DACT1: variants seen among roughly 807,000 people sequenced by gnomAD.
DACT1 encodes the protein dishevelled binding antagonist of beta catenin 1.
In DACT1, 19 loss-of-function variants were observed where a neutral mutation model predicts 35.3. The ratio of observed to expected loss-of-function variants is 0.54; its 90% CI spans 0.38 to 0.79. The LOEUF is 0.79. Ranked by LOEUF, DACT1 falls within the 30% of genes least tolerant of loss-of-function variation. DACT1 has a pLI of 0.00. For synonymous variants in DACT1, 545 were observed against 466.7 expected (o/e 1.17, Z -2.16); for missense variants, 1,143 against 1,057.5 (o/e 1.08, Z -1.12).
At chr14:58,639,358 T>C (rs1332539328) in intron 1 of DACT1, 26 of 732,106 alleles carry the variant, frequency 3.6e-5, no homozygotes, top group African/African-American at 7.7e-5. Flanking sequence ...GCTTAATGTA[T>C]TGATGAACAG....
upstream of DACT1, among the ~76,000 whole-genome samples, chr14:58,635,292 T>C (rs1300089037): frequency 6.6e-6 from 1 of 151,840 alleles, no homozygotes; most frequent in Non-Finnish European, 1.5e-5. Flanking sequence ...GGAAAGAAAA[T>C]CCAGGCAACT....
Position 58,641,489 on chromosome 14 carries a change from C to CA in DACT1, c.479-97dup, listed in dbSNP as rs1299946122. The CA allele has an allele frequency of 6.6e-6, 9 of 1,363,660 alleles. No individual in the cohort carries two copies. In the African/African-American group the frequency reaches 1.0e-4, roughly 16 times the overall value. The allele number at this position is 1,363,660 out of a possible 1,614,324, so 84.5% of individuals were successfully genotyped here. A position where few individuals can be genotyped will look rare whatever the true frequency, so the allele number is the denominator to read the frequency against. On this transcript the variant is annotated intron_variant, in intron 2 of 3. Coordinates refer to ENST00000395153, the MANE Select transcript of DACT1 (RefSeq NM_001079520.2). Reference sequence around the variant, plus strand: ...GAATCAAAATTGGCCAAAAAACAAACAAAAAATCTCCTTTTCCTAAATGAT... The same window carrying CA: ...GAATCAAAATTGGCCAAAAAACAAACAAAAAAATCTCCTTTTCCTAAATGAT...
At chr14:58,641,499 C>T in intron 2 of DACT1, 93 bp from the exon 3 acceptor site, 1 of 1,406,952 alleles carries the variant, frequency 7.1e-7, no homozygotes. Context: ...CAAAAAATCT[C>T]CTTTTCCTAA....
In DACT1 at chr14:58,638,538, A is replaced by G; in HGVS notation, c.336A>G (p.Arg112=). The G allele has an allele frequency of 7.4e-7, 1 of 1,344,450 alleles. No homozygotes were observed. The highest frequency in any genetic ancestry group is 9.6e-7 in the Non-Finnish European group (1 of 1,040,842). 83.3% of individuals were successfully genotyped at this position (1,344,450 alleles called of 1,614,324 possible). The change falls in exon 1 of 4, where the codon AGA becomes AGG. Residue 112 remains arginine, a synonymous_variant. Transcript: ENST00000395153. ...KFLEENILLL[R]KQLNCLRRRD... is the part of the protein sequence containing the mutation. Reference sequence around the variant, plus strand: ...TGGAGGAGAACATCTTGCTGCTAAGAAAGCAATTGGTAGGTCGTGCCCGAA... The same window carrying G: ...TGGAGGAGAACATCTTGCTGCTAAGGAAGCAATTGGTAGGTCGTGCCCGAA...
chr14:58,640,909 G>C, intron 2 of DACT1, 41 bp downstream of exon 2: 1 of 1,611,644 alleles, frequency 6.2e-7, no homozygotes, highest in Non-Finnish European at 8.5e-7. Flanking sequence ...GCACTCTTGA[G>C]TTGTATCTCA....
At position 58,645,860 on chromosome 14, in the gene DACT1, T is replaced by A; in HGVS notation, c.1126T>A (p.Phe376Ile). Residue 376 changes from phenylalanine (F) to isoleucine (I), a missense_variant, in exon 4 of 4, where the codon TTC becomes ATC. Phe to Ile is a conservative substitution (Grantham distance 21, BLOSUM62 0). Transcript: ENST00000395153. ...GATACCTTCTCTGAACAATGGGACA[T>A]TCTCCCCACCGAAGCAGTGGTCGAA... ...GGIPSLNNGT[F>I]SPPKQWSKES... The A allele has an allele frequency of 1.2e-6, 2 of 1,614,186 alleles. No individual in the cohort carries two copies. Among genetic ancestry groups the A allele is most frequent in the South Asian group, 1.1e-5 (1 of 91,090 alleles).
At chr14:58,638,572 A>T (rs1177443371) in intron 1 of DACT1, 25 bp downstream of exon 1, 1 of 1,321,820 alleles carries the variant, frequency 7.6e-7, no homozygotes, top group Non-Finnish European at 9.7e-7. Flanking sequence ...AAGGTGGAGC[A>T]CGGCTGTTCC....
At chr14:58,640,971 C>G in intron 2 of DACT1, 103 bp downstream of exon 2, 1 of 1,323,974 alleles carries the variant, frequency 7.6e-7, no homozygotes, top group Non-Finnish European at 1.1e-6. Context: ...GAGTTTGTTT[C>G]CAGTGCAGAG....
chr14:58,645,199 G>T, intron 3 of DACT1, 170 bp from the exon 4 acceptor site: 7 of 1,402,368 alleles, frequency 5.0e-6, no homozygotes, highest in Non-Finnish European at 5.9e-6. Flanking sequence ...ATTGGCCAAA[G>T]AGTCAAGCTG....
At chr14:58,637,938 G>A (rs1351637600), upstream of DACT1, 12 of 197,534 alleles carry the variant, frequency 6.1e-5, no homozygotes, top group South Asian at 2.1e-3. Context: ...GGGCCGCCGC[G>A]CGTGACGTAG....
rs140999806 is a variant in DACT1 at position 58,640,062 on chromosome 14, C to T, written c.346-674C>T. Reference sequence around the variant, plus strand: ...TGAACCAGATGCTTTTTGAGTTCTCCCGTTTTTCCAGCAATAGGAAGCACT... The same window carrying T: ...TGAACCAGATGCTTTTTGAGTTCTCTCGTTTTTCCAGCAATAGGAAGCACT... On this transcript the variant is annotated intron_variant, in intron 1 of 3. Transcript: ENST00000395153. Among the ~76,000 whole-genome samples the T allele has an allele frequency of 1.4e-4, 21 of 152,260 alleles. 2 individuals carry two copies. In the East Asian group the frequency reaches 3.9e-3, roughly 28 times the overall value.
In DACT1 at chr14:58,646,866, A is replaced by G. The variant is rs754250305; in HGVS notation, c.2132A>G (p.Asn711Ser). The G allele has an allele frequency of 5.0e-6, 8 of 1,614,120 alleles. No homozygotes were observed. The South Asian group carries it at 6.6e-5, about 13-fold the overall frequency. Residue 711 changes from asparagine (N) to serine (S), a missense_variant, in exon 4 of 4, where the codon AAT becomes AGT. Asn to Ser is a conservative substitution (Grantham distance 46). This residue lies in a region of DACT1 where 1,054 missense variants were observed against 958.8 expected (regional missense o/e 1.10). Coordinates refer to ENST00000395153, the MANE Select transcript of DACT1 (RefSeq NM_001079520.2). ...GACACCAGTGAGGACGAGCAGAGCAATTACACCACCAACTGCTTCGGGGAC... is the reference window on the plus strand; with the variant it reads ...GACACCAGTGAGGACGAGCAGAGCAGTTACACCACCAACTGCTTCGGGGAC... ...VVDTSEDEQS[N>S]YTTNCFGDSE...
rs568191012 is a variant in DACT1 at position 58,646,693 on chromosome 14, C to T, written c.1959C>T (p.Ala653=). ...CGGCCGAGATTTCCTACGAAGAGGC[C>T]CTGAGGAGGGCCCGGCGCGGTCGCC... is the stretch of plus-strand genomic sequence containing the variant. ...KSSAEISYEE[A]LRRARRGRRE... The change falls in exon 4 of 4, where the codon GCC becomes GCT. Residue 653 remains alanine, a synonymous_variant. Coordinates refer to ENST00000395153, the MANE Select transcript of DACT1 (RefSeq NM_001079520.2). 5 of 1,613,090 alleles carry T rather than the reference C, an allele frequency of 3.1e-6. No individual in the cohort carries two copies. Among genetic ancestry groups the T allele is most frequent in the African/African-American group, 2.7e-5 (2 of 75,024 alleles).
At position 58,638,290 on chromosome 14, in the gene DACT1, C is replaced by T. The variant is rs926788653; in HGVS notation, c.88C>T (p.Arg30Cys). The change falls in exon 1 of 4, where the codon CGC becomes TGC. Residue 30 changes from arginine to cysteine, a missense_variant. Around this residue, in one of 3 missense-constraint regions of DACT1, gnomAD observed 85 missense variants for 81.8 expected, o/e 1.04. Coordinates refer to ENST00000395153, the MANE Select transcript of DACT1 (RefSeq NM_001079520.2). ...GEQRTAEPEG[R>C]WREKGEADTE... ...GCAGCGCACGGCGGAGCCCGAGGGG[C>T]GCTGGCGGGAGAAGGGCGAGGCAGA... The T allele has an allele frequency of 7.4e-7, 1 of 1,347,754 alleles. No individual in the cohort carries two copies. Among genetic ancestry groups the T allele is most frequent in the Non-Finnish European group, 9.5e-7 (1 of 1,053,472 alleles). 83.5% of individuals were successfully genotyped at this position (1,347,754 alleles called of 1,614,324 possible).
rs576253336 is a variant in DACT1 at position 58,640,354 on chromosome 14, T to TA, written c.346-381dup. 1.4e-4 allele frequency among the ~76,000 whole-genome samples: 22 copies of TA among 152,352 alleles called. No homozygotes were observed. In the South Asian group the frequency reaches 4.1e-3, roughly 29 times the overall value. The stretch of plus-strand genomic sequence containing the variant: ...TTATAGTGTATTATAGGAAATCTCT[T>TA]ACTCTCATTTCAAATTAAAGAGTCT... On this transcript the variant is annotated intron_variant, in intron 1 of 3. Coordinates refer to ENST00000395153, the MANE Select transcript of DACT1 (RefSeq NM_001079520.2).
Position 58,647,056 on chromosome 14 carries a change from A to G in DACT1, c.2322A>G (p.Lys774=). The G allele has an allele frequency of 1.2e-6, 2 of 1,614,060 alleles. No individual in the cohort carries two copies. The highest frequency in any genetic ancestry group is 1.7e-6 in the Non-Finnish European group (2 of 1,179,998). ...ACCACCCCGCAAAAACCTTTGTCAA[A>G]ATTAAGGCCTCACATAACCTCAAGA... ...LHNHPAKTFV[K]IKASHNLKKK... The change falls in exon 4 of 4, where the codon AAA becomes AAG. Residue 774 remains lysine (K), a synonymous_variant. Transcript: ENST00000395153.
chr14:58,645,583 A>G lies in DACT1; in HGVS notation c.849A>G (p.Leu283=). ...ELDAVKTDSS[L]PSPSSLWSAS... is the part of the protein sequence containing the mutation. Reference sequence around the variant, plus strand: ...ATGCCGTCAAAACAGACAGTTCCTTACCGTCCCCAAGCAGTCTGTGGTCTG... The same window carrying G: ...ATGCCGTCAAAACAGACAGTTCCTTGCCGTCCCCAAGCAGTCTGTGGTCTG... The change falls in exon 4 of 4, where the codon TTA becomes TTG. Residue 283 remains leucine (L), a synonymous_variant. Coordinates refer to ENST00000395153, the MANE Select transcript of DACT1 (RefSeq NM_001079520.2). 3 of 1,614,092 alleles carry G rather than the reference A, an allele frequency of 1.9e-6. No individual in the cohort carries two copies. Among genetic ancestry groups the G allele is most frequent in the Non-Finnish European group, 2.5e-6 (3 of 1,180,026 alleles).
At position 58,646,837 on chromosome 14, in the gene DACT1, G is replaced by C. The variant is rs200284543; in HGVS notation, c.2103G>C (p.Val701=). The change falls in exon 4 of 4, where the codon GTG becomes GTC. Residue 701 remains valine (V), a synonymous_variant. Coordinates refer to ENST00000395153, the MANE Select transcript of DACT1 (RefSeq NM_001079520.2). ...GCGAGTCCCTGTTCCACTCCACCGT[G>C]GTGGACACCAGTGAGGACGAGCAGA... ...AECESLFHST[V]VDTSEDEQSN... 8.1e-6 allele frequency: 13 copies of C among 1,614,064 alleles called. No homozygotes were observed. The Admixed American group carries it at 2.2e-4, about 27-fold the overall frequency.
At position 58,647,441 on chromosome 14, in the gene DACT1, G is replaced by A. The variant is rs1382205869; in HGVS notation, c.*307G>A. 8.5e-6 allele frequency: 3 copies of A among 352,466 alleles called. No homozygotes were observed. Among genetic ancestry groups the A allele is most frequent in the Non-Finnish European group, 1.6e-5 (3 of 186,258 alleles). The allele number at this position is 352,466 out of a possible 1,614,324, so 21.8% of individuals were successfully genotyped here. On this transcript the variant is annotated 3_prime_UTR_variant, in exon 4 of 4. Transcript: ENST00000395153. ...CATCCGGCAAGGTACAGGTTTTGAT[G>A]TTCAAGTTTTATTGGGATAAGATCT...
Sources: allele counts gnomAD v4.1 joint callset (sites outside exome capture counted in the v4.1 genomes callset), GRCh38; gene constraint gnomAD v4.1.1; regional missense constraint gnomAD v4.1.1; transcripts MANE v1.5; gene names NCBI Gene and HGNC (gene_info 2026-07-23, HGNC 2026-07-21).